The following PTP4A2 variants were observed in gnomAD, a reference collection of about 807,000 sequenced individuals.
The protein encoded by PTP4A2 is protein tyrosine phosphatase type IVA 2.
PTP4A2 carries 2 observed loss-of-function variants against 22.9 expected under a neutral mutation model. The ratio of observed to expected loss-of-function variants is 0.09; its 90% CI spans 0.04 to 0.27. PTP4A2 has a LOEUF of 0.27. Ranked by LOEUF, PTP4A2 falls within the 10% of genes least tolerant of loss-of-function variation. PTP4A2 has a pLI of 1.00. For missense variants in PTP4A2, 103 were observed against 205.1 expected (o/e 0.50, Z 3.04); for synonymous variants, 68 against 69.1 (o/e 0.98, Z 0.08).
chr1:31,917,690 T>A (rs918495505), intron 2 of PTP4A2, among the ~76,000 whole-genome samples: 1 of 152,140 alleles, frequency 6.6e-6, no homozygotes, highest in Admixed American at 6.5e-5. Context: ...AAAGCTTATG[T>A]TCTGGTCAGG....
chr1:31,916,599 A>C (rs1396169967), intron 2 of PTP4A2, among the ~76,000 whole-genome samples: 2 of 152,184 alleles, frequency 1.3e-5, no homozygotes, highest in East Asian at 3.8e-4. Context: ...CAAAAGAAAT[A>C]ATTAAAGACA....
At chr1:31,928,412 T>A (rs1002051961) in intron 1 of PTP4A2, among the ~76,000 whole-genome samples, 41 of 151,656 alleles carry the variant, frequency 2.7e-4, no homozygotes, top group Non-Finnish European at 4.9e-4. Context: ...TTAAAAAAAA[T>A]TTTTTGGCCG....
chr1:31,922,590 C>G (rs528529989), intron 1 of PTP4A2, among the ~76,000 whole-genome samples: 504 of 11,692 alleles, frequency 0.043, 2 homozygotes, highest in South Asian at 0.22. Context: ...AGGTTTGTTT[C>G]TTTCTTTCTT....
At chr1:31,910,319 C>T (rs1014539362) in intron 4 of PTP4A2, 22 of 466,206 alleles carry the variant, frequency 4.7e-5, no homozygotes, top group African/African-American at 2.6e-4. Flanking sequence ...GACAGGGTCT[C>T]GCTCTATCAC....
chr1:31,934,595 A>T (rs1652856878), intron 1 of PTP4A2, among the ~76,000 whole-genome samples: 1 of 152,230 alleles, frequency 6.6e-6, no homozygotes, highest in South Asian at 2.1e-4. Flanking sequence ...GAAAATTGTA[A>T]AGTGTTCCTT....
At position 31,917,220 on chromosome 1, in the gene PTP4A2, T is replaced by C. The variant is rs563049786; in HGVS notation, c.97-1233A>G. On this transcript the variant is annotated intron_variant, in intron 2 of 5. Transcript: ENST00000647444. ...AAGGTGACTGAACAATCTGAGGGCA[T>C]ACAGGCGTAGAATCAACTTGTACGC... is the stretch of plus-strand genomic sequence containing the variant. 2.4e-4 allele frequency among the ~76,000 whole-genome samples: 36 copies of C among 152,320 alleles called. 1 individual carries two copies. In the South Asian group the frequency reaches 4.8e-3, roughly 20 times the overall value.
At chr1:31,926,149 A>AAAAATATATATAT (rs59088489) in intron 1 of PTP4A2, among the ~76,000 whole-genome samples, 2 of 131,350 alleles carry the variant, frequency 1.5e-5, no homozygotes, top group South Asian at 4.8e-4. Flanking sequence ...AAAAAAAAAA[A>AAAAATATATATAT]ATATATATAT....
chr1:31,923,157 C>T (rs2124216191), intron 1 of PTP4A2, among the ~76,000 whole-genome samples: 1 of 152,012 alleles, frequency 6.6e-6, no homozygotes, highest in South Asian at 2.1e-4. Context: ...GATCTGCCCA[C>T]CTTGGCCTCC....
At chr1:31,927,340 T>C (rs1271746330) in intron 1 of PTP4A2, among the ~76,000 whole-genome samples, 3 of 152,128 alleles carry the variant, frequency 2.0e-5, no homozygotes, top group African/African-American at 7.2e-5. Context: ...CAACAGACAC[T>C]GGGGACCACT....
At chr1:31,923,031 A>G (rs1652264750) in intron 1 of PTP4A2, among the ~76,000 whole-genome samples, 2 of 151,490 alleles carry the variant, frequency 1.3e-5, no homozygotes, top group Admixed American at 1.3e-4. Context: ...TCCTGGGTTC[A>G]AGCAATTCTC....
At chr1:31,922,481 C>CA (rs550450171) in intron 1 of PTP4A2, among the ~76,000 whole-genome samples, 9 of 149,402 alleles carry the variant, frequency 6.0e-5, no homozygotes, top group South Asian at 2.1e-4. Flanking sequence ...GAAACTCTGT[C>CA]AAAAAAAAAA....
rs184823187 is a variant in PTP4A2 at position 31,919,334 on chromosome 1, C to T, written c.-269G>A. 1 of 222,886 alleles carries T rather than the reference C, an allele frequency of 4.5e-6. No individual in the cohort carries two copies. Among genetic ancestry groups the T allele is most frequent in the Admixed American group, 5.5e-5 (1 of 18,210 alleles). 13.8% of individuals were successfully genotyped at this position (222,886 alleles called of 1,614,324 possible). A position where few individuals can be genotyped will look rare whatever the true frequency, so the allele number is the denominator to read the frequency against. On this transcript the variant is annotated 5_prime_UTR_variant, in exon 2 of 6. Transcript: ENST00000647444. ...TGGATACCTTCGGACTCCAAAAAAT[C>T]CAACTACATACAAAACTTAAGCAGC...
intron 3 of PTP4A2, chr1:31,915,544 T>C (rs1651782988): frequency 6.5e-6 from 1 of 153,464 alleles, no homozygotes; most frequent in Non-Finnish European, 1.4e-5. Context: ...AATTTTTTTT[T>C]TTTTTTTTTT....
intron 3 of PTP4A2, among the ~76,000 whole-genome samples, chr1:31,915,133 TATTA>T (rs1459748331): frequency 6.6e-6 from 1 of 152,226 alleles, no homozygotes; most frequent in Non-Finnish European, 1.5e-5. Context: ...CTAAATATTG[TATTA>T]ATTTCCTAAA....
In PTP4A2 at chr1:31,908,122, ATATATATATATATTATAT is replaced by A. The variant is rs1651284337; in HGVS notation, c.*712_*729del. 0.014 allele frequency: 6 copies of A among 440 alleles called. 1 individual carries two copies. Among genetic ancestry groups the A allele is most frequent in the Admixed American group, 0.042 (1 of 24 alleles). The allele number at this position is 440 out of a possible 1,614,324, so 0.0% of individuals were successfully genotyped here. A position where few individuals can be genotyped will look rare whatever the true frequency, so the allele number is the denominator to read the frequency against. ...TAAAAACCACCTGGAAAATATATAT[ATATATATATATATTATAT>A]TATATATATATATATATATATATAT... On this transcript the variant is annotated 3_prime_UTR_variant, in exon 6 of 6. Coordinates refer to ENST00000647444, the MANE Select transcript of PTP4A2 (RefSeq NM_080391.4).
chr1:31,919,939 C>T (rs1350804035), intron 1 of PTP4A2, among the ~76,000 whole-genome samples: 3 of 148,594 alleles, frequency 2.0e-5, no homozygotes, highest in African/African-American at 7.5e-5. Flanking sequence ...CCAGCCTGAT[C>T]AACATGGAGA....
Position 31,915,703 on chromosome 1 carries a change from C to T in PTP4A2, c.189+192G>A, listed in dbSNP as rs566402731. ...CACAGGTGTGCACCAACATGCCCCA[C>T]CAGTTTTTTAATTATCTGTACAGAT... On this transcript the variant is annotated intron_variant, in intron 3 of 5. Coordinates refer to ENST00000647444, the MANE Select transcript of PTP4A2 (RefSeq NM_080391.4). 1.7e-3 allele frequency: 693 copies of T among 404,610 alleles called. 2 individuals are homozygous for T. The highest frequency in any genetic ancestry group is 2.7e-3 in the Middle Eastern group (4 of 1,484). The allele number at this position is 404,610 out of a possible 1,614,324, so 25.1% of individuals were successfully genotyped here.
At chr1:31,937,341 C>T (rs926740972) in intron 1 of PTP4A2, among the ~76,000 whole-genome samples, 2 of 152,074 alleles carry the variant, frequency 1.3e-5, no homozygotes, top group South Asian at 2.1e-4. Flanking sequence ...TTTCCTCATA[C>T]TTGAACCTGA....
chr1:31,935,413 A>G (rs1265042869), intron 1 of PTP4A2, among the ~76,000 whole-genome samples: 4 of 152,220 alleles, frequency 2.6e-5, no homozygotes, highest in Admixed American at 6.5e-5. Flanking sequence ...TAGTTTCAAC[A>G]GCTCTCCTAA....
Sources: gnomAD v4.1 joint callset for allele counts (sites outside exome capture counted in the v4.1 genomes callset) on GRCh38, gnomAD v4.1.1 for gene constraint, MANE v1.5 for transcripts, NCBI Gene and HGNC (gene_info 2026-07-23, HGNC 2026-07-21) for gene names.